The following NCK2 variants were observed in gnomAD, a reference collection of about 807,000 sequenced individuals.
NCK2 encodes the protein cytoplasmic protein NCK2.
A neutral mutation model predicts 33.9 loss-of-function variants in NCK2; 16 were observed. The observed-to-expected ratio is 0.47, with a 90% CI of 0.32 to 0.72. The LOEUF is 0.72. Among genes scored for constraint, NCK2 ranks in the 30% least tolerant of loss-of-function variants. The pLI is 0.03. For missense variants in NCK2, 418 were observed against 537.3 expected (o/e 0.78, Z 2.19); for synonymous variants, 273 against 239.9 (o/e 1.14, Z -1.27).
intron 2 of NCK2, among the ~76,000 whole-genome samples, chr2:105,832,501 T>G (rs896350327): frequency 6.6e-5 from 10 of 152,228 alleles, no homozygotes; most frequent in African/African-American, 2.4e-4. Flanking sequence ...TCAGAGTTGT[T>G]ATGAAGGAAT....
intron 1 of NCK2, among the ~76,000 whole-genome samples, chr2:105,775,980 G>C (rs1251233089): frequency 6.6e-6 from 1 of 152,226 alleles, no homozygotes; most frequent in East Asian, 1.9e-4. Context: ...TTGACCGTCA[G>C]TTGCTTAGGG....
chr2:105,745,673 A>C (rs1425033607), intron 1 of NCK2: 1 of 152,172 alleles, frequency 6.6e-6, no homozygotes, highest in East Asian at 1.9e-4. Flanking sequence ...ACAACTATTT[A>C]TGTTCGCGCA....
At chr2:105,859,585 A>G (rs1186351781) in intron 3 of NCK2, among the ~76,000 whole-genome samples, 2 of 152,326 alleles carry the variant, frequency 1.3e-5, no homozygotes, top group East Asian at 3.9e-4. Flanking sequence ...TAACTGTGAA[A>G]CAGCCTTTGC....
intron 2 of NCK2, among the ~76,000 whole-genome samples, chr2:105,853,243 G>A (rs1448967036): frequency 6.6e-6 from 1 of 152,014 alleles, no homozygotes; most frequent in Non-Finnish European, 1.5e-5. Flanking sequence ...AAGAATATTG[G>A]TTCATCTTCT....
At chr2:105,752,740 G>C (rs191428455) in intron 1 of NCK2, among the ~76,000 whole-genome samples, 144 of 152,290 alleles carry the variant, frequency 9.5e-4, no homozygotes, top group Non-Finnish European at 1.8e-3. Flanking sequence ...ATGGCCTCCA[G>C]TTCCATCTGT....
intron 2 of NCK2, among the ~76,000 whole-genome samples, chr2:105,851,566 C>A (rs1335639012): frequency 1.3e-4 from 20 of 152,248 alleles, no homozygotes; most frequent in Admixed American, 1.3e-3. Flanking sequence ...CAGAGCTGAG[C>A]TTTCTAAGGG....
At chr2:105,835,408 T>TATATATATATATATATAC (rs1553458610) in intron 2 of NCK2, among the ~76,000 whole-genome samples, 4 of 41,272 alleles carry the variant, frequency 9.7e-5, no homozygotes, top group Non-Finnish European at 2.0e-4. Context: ...TATATATACG[T>TATATATATATATATATAC]GTATATATAT....
intron 1 of NCK2, among the ~76,000 whole-genome samples, chr2:105,757,239 C>G (rs1019291228): frequency 4.6e-5 from 7 of 152,196 alleles, no homozygotes; most frequent in Non-Finnish European, 1.0e-4. Flanking sequence ...TTAAACTCTC[C>G]TGACCTCTGT....
intron 1 of NCK2, among the ~76,000 whole-genome samples, chr2:105,755,098 T>C: frequency 6.6e-6 from 1 of 152,280 alleles, no homozygotes; most frequent in Middle Eastern, 3.4e-3. Flanking sequence ...TTTATGTGCT[T>C]CTGTTATTGT....
chr2:105,881,557 C>T lies in NCK2; in HGVS notation c.456C>T (p.Ser152=). ...EKCSDGWWRG[S]YNGQIGWFPS... ...GCAGCGACGGTTGGTGGCGGGGCAG[C>T]TACAACGGGCAGATCGGCTGGTTCC... Residue 152 remains serine (S), a synonymous_variant, in exon 4 of 5, where the codon AGC becomes AGT. Transcript: ENST00000233154. 5 of 1,613,962 alleles carry T rather than the reference C, an allele frequency of 3.1e-6. No individual in the cohort carries two copies. Among genetic ancestry groups the T allele is most frequent in the African/African-American group, 1.3e-5 (1 of 75,074 alleles).
chr2:105,802,109 A>G (rs1309987706), intron 1 of NCK2, among the ~76,000 whole-genome samples: 1 of 152,224 alleles, frequency 6.6e-6, no homozygotes, highest in Non-Finnish European at 1.5e-5. Flanking sequence ...TCAGATTTGC[A>G]GACGATGCAT....
At chr2:105,772,334 G>T (rs114125327) in intron 1 of NCK2, among the ~76,000 whole-genome samples, 3,063 of 152,152 alleles carry the variant, frequency 0.02, 78 homozygotes, top group Non-Finnish European at 0.023. Context: ...ACAGCACTAA[G>T]CATCCTTCCC....
chr2:105,893,480 A>G lies in NCK2; in HGVS notation c.*304A>G, dbSNP rs1679082630. The G allele has an allele frequency of 3.2e-6, 1 of 315,672 alleles. No homozygotes were observed. The highest frequency in any genetic ancestry group is 2.1e-5 in the African/African-American group (1 of 47,984). 19.6% of individuals were successfully genotyped at this position (315,672 alleles called of 1,614,324 possible). A position where few individuals can be genotyped will look rare whatever the true frequency, so the allele number is the denominator to read the frequency against. ...CCCGCTCATGGAACCCCTCTTTAAA[A>G]AGACGCAGGGCACCTGTGAGCGCAG... On this transcript the variant is annotated 3_prime_UTR_variant, in exon 5 of 5. Coordinates refer to ENST00000233154, the MANE Select transcript of NCK2 (RefSeq NM_003581.5).
intron 1 of NCK2, among the ~76,000 whole-genome samples, chr2:105,798,134 T>C (rs573416114): frequency 2.3e-4 from 35 of 152,368 alleles, no homozygotes; most frequent in Non-Finnish European, 4.4e-4. Context: ...GATTTAATAT[T>C]CTATGAAAGG....
Position 105,763,965 on chromosome 2 carries a change from A to C in NCK2, c.-201+18827A>C, listed in dbSNP as rs569638372. Among the ~76,000 whole-genome samples, 5 of 152,304 alleles carry C rather than the reference A, an allele frequency of 3.3e-5. No individual in the cohort carries two copies. In the South Asian group the frequency reaches 1.0e-3, roughly 32 times the overall value. On this transcript the variant is annotated intron_variant, in intron 1 of 4. Coordinates refer to ENST00000233154, the MANE Select transcript of NCK2 (RefSeq NM_003581.5). Reference sequence around the variant, plus strand: ...ATTCATGTGTCAATAATAATAGCTGATATTTATTGAGCACTTAACGTGGCT... The same window carrying C: ...ATTCATGTGTCAATAATAATAGCTGCTATTTATTGAGCACTTAACGTGGCT...
intron 1 of NCK2, among the ~76,000 whole-genome samples, chr2:105,815,879 G>A (rs956724463): frequency 2.6e-5 from 4 of 152,176 alleles, no homozygotes; most frequent in African/African-American, 9.7e-5. Flanking sequence ...TTATTTCTGG[G>A]AGGCTTTTAA....
At chr2:105,810,586 T>G (rs1423776562) in intron 1 of NCK2, among the ~76,000 whole-genome samples, 1 of 152,198 alleles carries the variant, frequency 6.6e-6, no homozygotes, top group Non-Finnish European at 1.5e-5. Flanking sequence ...GTGAACCTGT[T>G]AAAAAGGCAA....
intron 2 of NCK2, among the ~76,000 whole-genome samples, chr2:105,844,751 T>G (rs1179169789): frequency 5.2e-5 from 5 of 95,472 alleles, no homozygotes; most frequent in South Asian, 3.8e-4. Context: ...GGGGGGGATA[T>G]ATATATATAT....
At chr2:105,764,555 G>T (rs1689872449) in intron 1 of NCK2, among the ~76,000 whole-genome samples, 2 of 152,188 alleles carry the variant, frequency 1.3e-5, no homozygotes, top group South Asian at 2.1e-4. Flanking sequence ...GTCTTCCCAG[G>T]TGGGGTTTCA....
Sources: allele counts gnomAD v4.1 joint callset (sites outside exome capture counted in the v4.1 genomes callset), GRCh38; gene constraint gnomAD v4.1.1; transcripts MANE v1.5; gene names NCBI Gene and HGNC (gene_info 2026-07-23, HGNC 2026-07-21).